Variants in FAT3 observed in about 807,000 individuals in gnomAD.
FAT3 encodes FAT atypical cadherin 3, also known as protocadherin Fat 3.
In FAT3, 95 loss-of-function variants were observed where a neutral mutation model predicts 310.2. That is an observed-to-expected ratio of 0.31 (90% CI 0.26 to 0.36). The LOEUF (loss-of-function observed/expected upper bound fraction) is 0.36, where lower values mean the gene tolerates loss of function less well. Among genes scored for constraint, FAT3 ranks in the 10% least tolerant of loss-of-function variants. The pLI is 1.00. For missense variants in FAT3, 5,408 were observed against 5,715.6 expected, an observed-to-expected ratio of 0.95 and a Z score of 1.74; for synonymous variants, 2,314 against 2,192.9, an observed-to-expected ratio of 1.06 and a Z score of -1.54.
chr11:92,388,848 G>A (rs1445493881), intron 2 of FAT3, among the ~76,000 whole-genome samples: 1 of 152,208 alleles, frequency 6.6e-6, no homozygotes, highest in Non-Finnish European at 1.5e-5. Context: ...AGGCTTGTCT[G>A]TCTTGTTTGG....
At chr11:92,345,066 A>G (rs1948375562) in intron 1 of FAT3, among the ~76,000 whole-genome samples, 1 of 152,164 alleles carries the variant, frequency 6.6e-6, no homozygotes, top group South Asian at 2.1e-4. Context: ...CTACCTATAC[A>G]GAATTAGTGT....
At chr11:92,682,594 G>T (rs886961905) in intron 3 of FAT3, among the ~76,000 whole-genome samples, 1 of 152,178 alleles carries the variant, frequency 6.6e-6, no homozygotes, top group Non-Finnish European at 1.5e-5. Flanking sequence ...CAAATACTTG[G>T]CATTCAGTTG....
rs771199719 is a variant in FAT3 at position 92,328,634 on chromosome 11, CA to C, written c.-17-23460del. On this transcript the variant is annotated intron_variant, in intron 1 of 27. Coordinates refer to ENST00000525166, the MANE Select transcript of FAT3 (RefSeq NM_001367949.2). ...GGCTTCTGTAAGAGCCACTACTTCC[CA>C]AGTGCCACCTTACGAGGCACGTGAC... Among the ~76,000 whole-genome samples the C allele has an allele frequency of 5.3e-5, 8 of 152,308 alleles. No individual in the cohort carries two copies. The East Asian group carries it at 1.4e-3, about 26-fold the overall frequency.
At chr11:92,867,898 G>A (rs566306568) in intron 22 of FAT3, among the ~76,000 whole-genome samples, 23 of 106,422 alleles carry the variant, frequency 2.2e-4, no homozygotes, top group African/African-American at 9.2e-4. Flanking sequence ...CATGAAAGAG[G>A]AGAGTAGGCA....
intron 1 of FAT3, among the ~76,000 whole-genome samples, chr11:92,231,424 C>A (rs1017140341): frequency 3.9e-5 from 6 of 152,158 alleles, no homozygotes; most frequent in African/African-American, 1.4e-4. Flanking sequence ...CCTACTTGTA[C>A]TTTTCAGAGC....
rs74961649 is a variant in FAT3, at chr11:92,836,762, G to A, written c.10224+59G>A. On this transcript the variant is annotated intron_variant, in intron 16 of 27. Transcript: ENST00000525166. Reference sequence around the variant, plus strand: ...ACATCCACCACTTTCCTAGAATCAGGGGCACAAGCTCCACGGGTGTAAATA... The same window carrying A: ...ACATCCACCACTTTCCTAGAATCAGAGGCACAAGCTCCACGGGTGTAAATA... 472 of 1,576,838 alleles carry A rather than the reference G, an allele frequency of 3.0e-4. 1 individual carries two copies. The African/African-American group carries it at 5.7e-3, about 19-fold the overall frequency.
At chr11:92,769,820 A>G (rs905284865) in intron 6 of FAT3, among the ~76,000 whole-genome samples, 1 of 152,176 alleles carries the variant, frequency 6.6e-6, no homozygotes, top group Non-Finnish European at 1.5e-5. Context: ...GTTCCTTCAA[A>G]CTTTGGGCTC....
At chr11:92,464,503 T>C (rs1365793910) in intron 2 of FAT3, among the ~76,000 whole-genome samples, 1 of 152,200 alleles carries the variant, frequency 6.6e-6, no homozygotes, top group Non-Finnish European at 1.5e-5. Flanking sequence ...AGCAGGGTTT[T>C]CTTCAGCCTG....
chr11:92,231,384 T>G (rs927378440), intron 1 of FAT3, among the ~76,000 whole-genome samples: 4 of 152,218 alleles, frequency 2.6e-5, no homozygotes, highest in African/African-American at 9.7e-5. Context: ...AAAGGCAGAC[T>G]TTTACCTTGG....
intron 3 of FAT3, among the ~76,000 whole-genome samples, chr11:92,685,751 A>G (rs926784934): frequency 6.6e-6 from 1 of 152,084 alleles, no homozygotes; most frequent in Admixed American, 6.6e-5. Flanking sequence ...TTAAGTGAAT[A>G]AAAATATGGT....
intron 2 of FAT3, among the ~76,000 whole-genome samples, chr11:92,453,928 T>C (rs1951430305): frequency 6.6e-6 from 1 of 152,296 alleles, no homozygotes; most frequent in South Asian, 2.1e-4. Flanking sequence ...CTTTTATTTG[T>C]TTTTTTGTTA....
At chr11:92,538,698 C>T (rs1954342442) in intron 3 of FAT3, among the ~76,000 whole-genome samples, 1 of 152,100 alleles carries the variant, frequency 6.6e-6, no homozygotes, top group African/African-American at 2.4e-5. Flanking sequence ...AAAACAAGGA[C>T]TTTACCCCTT....
At chr11:92,369,803 C>T (rs575284649) in intron 2 of FAT3, among the ~76,000 whole-genome samples, 1 of 152,016 alleles carries the variant, frequency 6.6e-6, no homozygotes, top group Non-Finnish European at 1.5e-5. Flanking sequence ...GCCGAGATTG[C>T]GCCACTGCAC....
intron 2 of FAT3, among the ~76,000 whole-genome samples, chr11:92,368,897 CACACAT>C (rs1565263778): frequency 8.1e-6 from 1 of 123,220 alleles, no homozygotes; most frequent in African/African-American, 5.2e-5. Context: ...TATATACACA[CACACAT>C]ATATATATAC....
intron 14 of FAT3, among the ~76,000 whole-genome samples, chr11:92,834,299 G>C (rs1948341521): frequency 6.6e-6 from 1 of 152,182 alleles, no homozygotes; most frequent in African/African-American, 2.4e-5. Flanking sequence ...TTGATTTCCA[G>C]GTAGTTCCTT....
chr11:92,746,609 G>A (rs1330927157), intron 4 of FAT3, among the ~76,000 whole-genome samples: 1 of 152,086 alleles, frequency 6.6e-6, no homozygotes, highest in African/African-American at 2.4e-5. Context: ...ATTCATTTCA[G>A]AATTAACTCA....
chr11:92,275,428 A>G (rs981173954), intron 1 of FAT3, among the ~76,000 whole-genome samples: 2 of 151,992 alleles, frequency 1.3e-5, no homozygotes, highest in Admixed American at 1.3e-4. Flanking sequence ...AAATGCGAAC[A>G]GGCCTCTTGG....
chr11:92,319,529 T>TA (rs1947553604), intron 1 of FAT3, among the ~76,000 whole-genome samples: 1 of 152,210 alleles, frequency 6.6e-6, no homozygotes, highest in Non-Finnish European at 1.5e-5. Context: ...GTAAGTATAA[T>TA]AGTGTGAATA....
intron 1 of FAT3, among the ~76,000 whole-genome samples, chr11:92,275,300 T>TCCC (rs1461107743): frequency 6.6e-6 from 1 of 152,082 alleles, no homozygotes; most frequent in Non-Finnish European, 1.5e-5. Context: ...CAGAGTAATT[T>TCCC]CCCACTTTTA....
Sources: allele counts gnomAD v4.1 joint callset (sites outside exome capture counted in the v4.1 genomes callset), GRCh38; gene constraint gnomAD v4.1.1; transcripts MANE v1.5; gene names NCBI Gene and HGNC (gene_info 2026-07-23, HGNC 2026-07-21).